The following GOLGA1 variants were observed in gnomAD, a reference collection of about 807,000 sequenced individuals.
GOLGA1 encodes the protein golgin subfamily A member 1.
In GOLGA1, 63 loss-of-function variants were observed where a neutral mutation model predicts 119.7. The observed-to-expected ratio is 0.53, with a 90% confidence interval of 0.43 to 0.65. The LOEUF (loss-of-function observed/expected upper bound fraction) is 0.65. Ranked by LOEUF, GOLGA1 falls within the 30% of genes least tolerant of loss-of-function variation. The pLI, the probability that GOLGA1 is intolerant of heterozygous loss-of-function variation, is 0.00. For synonymous variants in GOLGA1, 318 were observed against 333.4 expected, an observed-to-expected ratio of 0.95 and a Z score of 0.50; for missense variants, 798 against 912.8, an observed-to-expected ratio of 0.87 and a Z score of 1.62.
chr9:124,885,466 CAG>C (rs1361824925), intron 19 of GOLGA1, among the ~76,000 whole-genome samples: 15 of 135,154 alleles, frequency 1.1e-4, no homozygotes, highest in African/African-American at 1.7e-4. Flanking sequence ...GTCTGGGTGA[CAG>C]GGGGAGACTC....
At chr9:124,940,738 G>A (rs1830994372) in intron 1 of GOLGA1, among the ~76,000 whole-genome samples, 2 of 152,182 alleles carry the variant, frequency 1.3e-5, no homozygotes, top group Admixed American at 6.5e-5. Context: ...CTGAGCCCTA[G>A]AGAGGAGGAG....
chr9:124,922,745 C>T (rs1275993444), intron 8 of GOLGA1, among the ~76,000 whole-genome samples: 3 of 151,520 alleles, frequency 2.0e-5, no homozygotes, highest in Admixed American at 6.6e-5. Context: ...CATTATACTC[C>T]AGCCTGGGCA....
At chr9:124,925,537 G>C (rs1830657183) in intron 7 of GOLGA1, among the ~76,000 whole-genome samples, 2 of 151,854 alleles carry the variant, frequency 1.3e-5, no homozygotes, top group Admixed American at 1.3e-4. Context: ...GCAACACAGT[G>C]AGACCTCATC....
intron 10 of GOLGA1, among the ~76,000 whole-genome samples, chr9:124,919,469 G>A (rs1830518638): frequency 6.6e-6 from 1 of 152,134 alleles, no homozygotes; most frequent in African/African-American, 2.4e-5. Flanking sequence ...TATATTTACT[G>A]GGTGCTCCTT....
chr9:124,911,939 A>G lies in GOLGA1; in HGVS notation c.931T>C (p.Leu311=). 6.2e-7 allele frequency: 1 copy of G among 1,610,828 alleles called. No individual in the cohort carries two copies. The highest frequency in any genetic ancestry group is 8.5e-7 in the Non-Finnish European group (1 of 1,177,038). ...ASLEKRLEQN[L]SGEEHLQELL... ...TCTTGCAAGTGTTCTTCTCCTGATA[A>G]GTTCTGTTCTAGTCTCTTCTCCAAG... The change falls in exon 11 of 23, where the codon TTA becomes CTA. Residue 311 remains leucine (L), a synonymous_variant. Transcript: ENST00000373555.
At chr9:124,941,352 G>A (rs78822610), upstream of GOLGA1, among the ~76,000 whole-genome samples, 5,426 of 152,320 alleles carry the variant, frequency 0.036, 116 homozygotes, top group Admixed American at 0.053. Context: ...TGCAGAGCGT[G>A]GTAAGTGGGA....
At chr9:124,931,038 T>C (rs1003208355) in intron 4 of GOLGA1, among the ~76,000 whole-genome samples, 8 of 152,304 alleles carry the variant, frequency 5.3e-5, no homozygotes, top group Admixed American at 3.9e-4. Context: ...TGGTGGAAGA[T>C]GGTCAAATCT....
At chr9:124,885,484 C>CAAA (rs34466889) in intron 19 of GOLGA1, among the ~76,000 whole-genome samples, 1 of 97,912 alleles carries the variant, frequency 1.0e-5, no homozygotes, top group Non-Finnish European at 2.1e-5. Flanking sequence ...GACTCTGTCT[C>CAAA]AAAAAAAAAA....
In GOLGA1 at chr9:124,888,801, A is replaced by G. The variant is rs1829787024; in HGVS notation, c.1761+342T>C. On this transcript the variant is annotated intron_variant, in intron 18 of 22. Coordinates refer to ENST00000373555, the MANE Select transcript of GOLGA1 (RefSeq NM_002077.4). The surrounding 1 kb of genome is among the most constrained non-coding windows in gnomAD (Gnocchi z 4.4). The stretch of plus-strand genomic sequence containing the variant: ...ACCAAGCTCCGCCTCCCGGGTTCAC[A>G]TCATTCTCCTGCCTCAGCCTCCCGA... Among the ~76,000 whole-genome samples, 1 of 152,100 alleles carries G rather than the reference A, an allele frequency of 6.6e-6. No homozygotes were observed. The highest frequency in any genetic ancestry group is 1.9e-4 in the East Asian group (1 of 5,174).
chr9:124,898,703 C>A, intron 14 of GOLGA1, 59 bp from the exon 15 acceptor site: 1 of 1,009,840 alleles, frequency 9.9e-7, no homozygotes, highest in Non-Finnish European at 1.6e-6. Flanking sequence ...TCCCTGGGCA[C>A]AGGGAGCATG....
intron 2 of GOLGA1, 44 bp from the exon 3 acceptor site, chr9:124,938,910 A>G: frequency 2.1e-6 from 1 of 475,720 alleles, no homozygotes; most frequent in East Asian, 3.4e-5. Context: ...TAAACATTGG[A>G]AAGATTTCGC....
At chr9:124,894,202 C>T (rs2131389378) in intron 15 of GOLGA1, among the ~76,000 whole-genome samples, 1 of 152,282 alleles carries the variant, frequency 6.6e-6, no homozygotes, top group Middle Eastern at 3.4e-3. Flanking sequence ...TACTGCTACC[C>T]TACCTGCGGC....
rs900157649 is a variant in GOLGA1 at position 124,882,041 on chromosome 9, T to G, written c.1966-87A>C. The G allele has an allele frequency of 3.9e-6, 4 of 1,018,512 alleles. No homozygotes were observed. The African/African-American group carries it at 6.4e-5, about 16-fold the overall frequency. The allele number at this position is 1,018,512 out of a possible 1,614,324, so 63.1% of individuals were successfully genotyped here. ...CGGGAGGTTCACCTGGTCCAAACTATGATCACTATCGTAGGGCAAAAAGGG... is the reference window on the plus strand; with the variant it reads ...CGGGAGGTTCACCTGGTCCAAACTAGGATCACTATCGTAGGGCAAAAAGGG... On this transcript the variant is annotated intron_variant, in intron 20 of 22. Transcript: ENST00000373555.
intron 1 of GOLGA1, among the ~76,000 whole-genome samples, chr9:124,940,453 TAA>T (rs1830984856): frequency 6.6e-6 from 1 of 152,176 alleles, no homozygotes; most frequent in Admixed American, 6.5e-5. Flanking sequence ...TGAATGAGGT[TAA>T]GTTTTCCTGG....
At chr9:124,903,177 A>T (rs1332684218) in intron 12 of GOLGA1, among the ~76,000 whole-genome samples, 1 of 152,164 alleles carries the variant, frequency 6.6e-6, no homozygotes, top group Non-Finnish European at 1.5e-5. Flanking sequence ...GATAGAAACA[A>T]CGCAAATGTC....
intron 10 of GOLGA1, among the ~76,000 whole-genome samples, chr9:124,918,634 T>C (rs1464882003): frequency 1.3e-5 from 2 of 152,098 alleles, no homozygotes; most frequent in African/African-American, 4.8e-5. Flanking sequence ...TTGGTGCCTG[T>C]AGTCCCTGCT....
intron 4 of GOLGA1, among the ~76,000 whole-genome samples, chr9:124,929,963 A>G (rs2131517946): frequency 6.6e-6 from 1 of 152,332 alleles, no homozygotes; most frequent in Admixed American, 6.5e-5. Context: ...GTCCTGTAGT[A>G]TTAGTTTCTT....
chr9:124,910,705 A>G (rs1357317580), intron 11 of GOLGA1, among the ~76,000 whole-genome samples: 1 of 152,148 alleles, frequency 6.6e-6, no homozygotes, highest in Non-Finnish European at 1.5e-5. Context: ...GTGAGTGGTG[A>G]GTAAGCACTA....
At chr9:124,902,883 C>T (rs186493725) in intron 12 of GOLGA1, among the ~76,000 whole-genome samples, 162 of 152,248 alleles carry the variant, frequency 1.1e-3, no homozygotes, top group Non-Finnish European at 1.9e-3. Flanking sequence ...TACTAGTCCA[C>T]GGAGAAGAAC....
Sources: allele counts gnomAD v4.1 joint callset (sites outside exome capture counted in the v4.1 genomes callset), GRCh38; gene constraint gnomAD v4.1.1; non-coding constraint Gnocchi (gnomAD v3.1); transcripts MANE v1.5; gene names NCBI Gene and HGNC (gene_info 2026-07-23, HGNC 2026-07-21).